Variants in MTMR2 observed in about 807,000 individuals in gnomAD.
MTMR2 encodes the protein myotubularin related protein 2.
A neutral mutation model predicts 86.9 loss-of-function variants in MTMR2; 55 were observed. The observed-to-expected ratio is 0.63, with a 90% CI of 0.51 to 0.79. The LOEUF is 0.79. MTMR2 is among the 30% of genes least tolerant of loss of function. The pLI is 0.00. For missense variants in MTMR2, 659 were observed against 772.3 expected, an observed-to-expected ratio of 0.85 and a Z score of 1.74; for synonymous variants, 241 against 266.8, an observed-to-expected ratio of 0.90 and a Z score of 0.94.
At chr11:95,913,216 G>A (rs1251369725) in intron 1 of MTMR2, 2 of 152,120 alleles carry the variant, frequency 1.3e-5, no homozygotes, top group Non-Finnish European at 2.9e-5. Context: ...TCTATAGACA[G>A]GAAATACAGT....
At chr11:95,840,555 C>G (rs769185899) in intron 12 of MTMR2, among the ~76,000 whole-genome samples, 6 of 152,164 alleles carry the variant, frequency 3.9e-5, no homozygotes, top group Non-Finnish European at 7.4e-5. Flanking sequence ...GAATTGTATA[C>G]ACCTTTTCAG....
chr11:95,839,654 G>A (rs1382859590), intron 12 of MTMR2, among the ~76,000 whole-genome samples: 1 of 152,126 alleles, frequency 6.6e-6, no homozygotes, highest in Non-Finnish European at 1.5e-5. Context: ...TCTCAGGGCT[G>A]AGGTGACAGA....
At chr11:95,856,505 C>A (rs1379398216) in intron 7 of MTMR2, among the ~76,000 whole-genome samples, 1 of 151,442 alleles carries the variant, frequency 6.6e-6, no homozygotes, top group African/African-American at 2.4e-5. Context: ...CTCCATTAGA[C>A]CTTTTAGTTG....
chr11:95,877,235 A>C (rs564502667), intron 2 of MTMR2, among the ~76,000 whole-genome samples: 1 of 152,216 alleles, frequency 6.6e-6, no homozygotes, highest in Admixed American at 6.5e-5. Context: ...CCATGCAAAC[A>C]AAAATTCTAA....
At chr11:95,907,885 C>A in intron 1 of MTMR2, 3 of 442,956 alleles carry the variant, frequency 6.8e-6, no homozygotes, top group South Asian at 1.6e-5. Flanking sequence ...GAGCTACAGC[C>A]AACATCACAC....
At chr11:95,885,537 A>G (rs1244935071) in intron 2 of MTMR2, among the ~76,000 whole-genome samples, 1 of 152,132 alleles carries the variant, frequency 6.6e-6, no homozygotes, top group Non-Finnish European at 1.5e-5. Flanking sequence ...AGAACTCTCA[A>G]TTTGAAGCTG....
intron 1 of MTMR2, among the ~76,000 whole-genome samples, chr11:95,902,268 C>T (rs918279556): frequency 2.0e-5 from 3 of 152,154 alleles, no homozygotes; most frequent in African/African-American, 7.2e-5. Context: ...CCTTATCCCC[C>T]AGCCTCCATC....
At position 95,923,783 on chromosome 11, in the gene MTMR2, AG is replaced by A. The variant is rs924031150; in HGVS notation, c.80+91del. 3 of 1,508,244 alleles carry A rather than the reference AG, an allele frequency of 2.0e-6. No individual in the cohort carries two copies. In the African/African-American group the frequency reaches 4.2e-5, roughly 21 times the overall value. 93.4% of individuals were successfully genotyped at this position (1,508,244 alleles called of 1,614,324 possible). ...AATTCCGGCGTAGCCTTCAGAAACCAGAATCCGCGAATTGGGGCAACAATCC... is the reference window on the plus strand; with the variant it reads ...AATTCCGGCGTAGCCTTCAGAAACCAAATCCGCGAATTGGGGCAACAATCC... On this transcript the variant is annotated intron_variant, in intron 1 of 14. Transcript: ENST00000346299.
chr11:95,865,950 C>A, intron 2 of MTMR2, among the ~76,000 whole-genome samples: 1 of 152,082 alleles, frequency 6.6e-6, no homozygotes, highest in Non-Finnish European at 1.5e-5. Flanking sequence ...CCTAAGACAG[C>A]CTAACAATAA....
rs1483831307 is a variant in MTMR2 at position 95,849,333 on chromosome 11, CTCAGTTAGTTG to C, written c.993+330_993+340del. Among the ~76,000 whole-genome samples the C allele has an allele frequency of 3.9e-5, 6 of 152,014 alleles. No individual in the cohort carries two copies. The East Asian group carries it at 9.7e-4, about 25-fold the overall frequency. On this transcript the variant is annotated intron_variant, in intron 9 of 14. Coordinates refer to ENST00000346299, the MANE Select transcript of MTMR2 (RefSeq NM_016156.6). ...TACAGGGACTTCAGTGAGTCATAAG[CTCAGTTAGTTG>C]TCAACTTTGGAGAAGTGGGAAGCTA...
At chr11:95,853,108 ATAT>A (rs1864086092) in intron 7 of MTMR2, among the ~76,000 whole-genome samples, 3 of 148,608 alleles carry the variant, frequency 2.0e-5, no homozygotes, top group South Asian at 2.1e-4. Context: ...TATATATTTC[ATAT>A]TTTTTATATA....
At position 95,920,956 on chromosome 11, in the gene MTMR2, T is replaced by G. The variant is rs1403559068; in HGVS notation, c.80+2919A>C. Among the ~76,000 whole-genome samples, 4 of 152,304 alleles carry G rather than the reference T, an allele frequency of 2.6e-5. No individual in the cohort carries two copies. In the East Asian group the frequency reaches 7.7e-4, roughly 29 times the overall value. ...AACCACATGGATTAGTGTATCATCC[T>G]TCCTACTTCCCAAAAGGGCTTCAGA... On this transcript the variant is annotated intron_variant, in intron 1 of 14. Transcript: ENST00000346299.
intron 2 of MTMR2, among the ~76,000 whole-genome samples, chr11:95,870,745 T>TTC (rs1159694076): frequency 6.6e-6 from 1 of 151,260 alleles, no homozygotes; most frequent in Non-Finnish European, 1.5e-5. Context: ...TTCTTTTTTT[T>TTC]TTTATTATAC....
At chr11:95,872,786 C>T (rs559902545) in intron 2 of MTMR2, among the ~76,000 whole-genome samples, 8 of 152,250 alleles carry the variant, frequency 5.3e-5, no homozygotes, top group Non-Finnish European at 1.2e-4. Context: ...GAGATACGTC[C>T]CATCAATACC....
At chr11:95,893,530 T>A (rs1426854177) in intron 1 of MTMR2, among the ~76,000 whole-genome samples, 1 of 152,090 alleles carries the variant, frequency 6.6e-6, no homozygotes, top group Non-Finnish European at 1.5e-5. Flanking sequence ...TATATCCGTA[T>A]CCATTAGCCA....
intron 7 of MTMR2, among the ~76,000 whole-genome samples, chr11:95,852,455 GA>G (rs1215582486): frequency 1.3e-5 from 2 of 152,196 alleles, no homozygotes; most frequent in Non-Finnish European, 2.9e-5. Context: ...AGGATGTTAA[GA>G]AAGAAAATTC....
At chr11:95,872,533 T>A (rs537061186) in intron 2 of MTMR2, among the ~76,000 whole-genome samples, 2 of 152,352 alleles carry the variant, frequency 1.3e-5, no homozygotes, top group South Asian at 4.1e-4. Context: ...TGGGGTTTTC[T>A]AGATATACAA....
At chr11:95,861,955 A>G in intron 5 of MTMR2, 37 bp downstream of exon 5, 1 of 1,471,134 alleles carries the variant, frequency 6.8e-7, no homozygotes, top group Non-Finnish European at 9.5e-7. Context: ...AAAGCTTTTC[A>G]AACCAAAGAA....
rs765490300 is a variant in MTMR2 at position 95,923,960 on chromosome 11, G to A, written c.-6C>T. ...CAGCTCGAGCTCTTCTCCATCGCGC[G>A]GCAGGGGCAGCACAGGGAAAGGCTG... is the stretch of plus-strand genomic sequence containing the variant. On this transcript the variant is annotated 5_prime_UTR_variant, in exon 1 of 15. Coordinates refer to ENST00000346299, the MANE Select transcript of MTMR2 (RefSeq NM_016156.6). 4 of 1,556,528 alleles carry A rather than the reference G, an allele frequency of 2.6e-6. No individual in the cohort carries two copies. Among genetic ancestry groups the A allele is most frequent in the African/African-American group, 2.7e-5 (2 of 73,498 alleles).
Sources: allele counts gnomAD v4.1 joint callset (sites outside exome capture counted in the v4.1 genomes callset), GRCh38; gene constraint gnomAD v4.1.1; transcripts MANE v1.5; gene names NCBI Gene and HGNC (gene_info 2026-07-23, HGNC 2026-07-21).